The following UBR1 variants were observed in gnomAD, a reference collection of about 807,000 sequenced individuals.
UBR1 encodes E3 ubiquitin-protein ligase UBR1.
A neutral mutation model predicts 242.1 loss-of-function variants in UBR1; 102 were observed. The ratio of observed to expected loss-of-function variants is 0.42; its 90% CI spans 0.36 to 0.50. The LOEUF is 0.50. Ranked by LOEUF, UBR1 falls within the 20% of genes least tolerant of loss-of-function variation. The pLI is 0.01. For missense variants in UBR1, 1,772 were observed against 2,101.8 expected (o/e 0.84, Z 3.07); for synonymous variants, 675 against 684.8 (o/e 0.99, Z 0.22).
chr15:43,050,602 T>C (rs2033542799), intron 12 of UBR1, among the ~76,000 whole-genome samples: 1 of 151,740 alleles, frequency 6.6e-6, no homozygotes, highest in Admixed American at 6.6e-5. Flanking sequence ...CATGTGCCTG[T>C]AGTCCCAGCT....
At chr15:43,034,105 T>C (rs2033295131) in intron 19 of UBR1, among the ~76,000 whole-genome samples, 1 of 151,942 alleles carries the variant, frequency 6.6e-6, no homozygotes, top group African/African-American at 2.4e-5. Flanking sequence ...GGCATGGTGG[T>C]GCACACCTAT....
Position 42,971,564 on chromosome 15 carries a change from A to T in UBR1, c.4370-957T>A, listed in dbSNP as rs144575157. Among the ~76,000 whole-genome samples, 558 of 152,298 alleles carry T rather than the reference A, an allele frequency of 3.7e-3. 6 individuals carry two copies. Among genetic ancestry groups the T allele is most frequent in the Middle Eastern group, 6.8e-3 (2 of 294 alleles). On this transcript the variant is annotated intron_variant, in intron 39 of 46. Transcript: ENST00000290650. ...TTTGTTTATGTATTAATTCATCTGG[A>T]AGGTCAAGATTCAAGTTGCCCTCAG...
At chr15:43,056,304 T>C (rs2033619032) in intron 11 of UBR1, 40 bp downstream of exon 11, 1 of 1,477,100 alleles carries the variant, frequency 6.8e-7, no homozygotes, top group Non-Finnish European at 9.5e-7. Context: ...GCAAAACAAG[T>C]TTTACTTAGA....
chr15:43,025,346 G>C, intron 24 of UBR1, 35 bp downstream of exon 24: 4 of 1,588,218 alleles, frequency 2.5e-6, no homozygotes, highest in Non-Finnish European at 2.6e-6. Context: ...ACAGAAAATA[G>C]TCAAAATGAG....
chr15:43,085,893 C>T, intron 2 of UBR1, 91 bp downstream of exon 2: 2 of 1,399,256 alleles, frequency 1.4e-6, no homozygotes, highest in Non-Finnish European at 1.9e-6. Context: ...TGCACTCCAG[C>T]CTGGGTCACA....
intron 5 of UBR1, among the ~76,000 whole-genome samples, chr15:43,070,246 G>T: frequency 1.2e-5 from 1 of 82,280 alleles, no homozygotes; most frequent in African/African-American, 4.9e-5. Flanking sequence ...CTGAGTTCTA[G>T]CTAAAAAAAA....
intron 1 of UBR1, among the ~76,000 whole-genome samples, chr15:43,087,352 C>A (rs561562303): frequency 1.4e-4 from 21 of 151,968 alleles, no homozygotes; most frequent in Non-Finnish European, 2.6e-4. Context: ...TTGCAGTGAG[C>A]CGAGAATGCG....
At chr15:43,024,300 T>G (rs1330589878) in intron 25 of UBR1, among the ~76,000 whole-genome samples, 1 of 152,236 alleles carries the variant, frequency 6.6e-6, no homozygotes. Context: ...AATATGGTGT[T>G]ACAACTACCA....
intron 33 of UBR1, 90 bp from the exon 34 acceptor site, chr15:42,990,210 A>G (rs1310669145): frequency 1.0e-6 from 1 of 973,018 alleles, no homozygotes; most frequent in African/African-American, 1.6e-5. Context: ...TATTTTTGAC[A>G]GTCTCACTCT....
intron 38 of UBR1, among the ~76,000 whole-genome samples, chr15:42,977,239 T>C (rs140469954): frequency 6.6e-6 from 1 of 152,278 alleles, no homozygotes; most frequent in East Asian, 1.9e-4. Flanking sequence ...AATAGCATTC[T>C]TTTCAAAGTT....
At chr15:43,094,439 GCAAACAAA>G (rs540494392) in intron 1 of UBR1, among the ~76,000 whole-genome samples, 2 of 150,912 alleles carry the variant, frequency 1.3e-5, no homozygotes, top group Non-Finnish European at 3.0e-5. Flanking sequence ...AAAAAAAAAA[GCAAACAAA>G]CAAACAAACA....
intron 3 of UBR1, among the ~76,000 whole-genome samples, chr15:43,077,665 GAAA>G (rs1180854436): frequency 7.9e-6 from 1 of 126,860 alleles, no homozygotes; most frequent in South Asian, 2.5e-4. Context: ...AAAAATCTGA[GAAA>G]AAAAAAAATA....
chr15:43,060,133 G>A lies in UBR1; in HGVS notation c.799-19C>T, dbSNP rs1328667512. 4.3e-6 allele frequency: 7 copies of A among 1,611,452 alleles called. No individual in the cohort carries two copies. The highest frequency in any genetic ancestry group is 1.3e-5 in the African/African-American group (1 of 74,848). ...GACGACCCTAATTATAGACAAAAGT[G>A]AGAATTAGGTAGTGAAATGATAACC... On this transcript the variant is annotated intron_variant, in intron 6 of 46. Transcript: ENST00000290650.
chr15:42,953,639 T>A (rs1399265519), intron 44 of UBR1, among the ~76,000 whole-genome samples: 1 of 152,186 alleles, frequency 6.6e-6, no homozygotes, highest in Non-Finnish European at 1.5e-5. Context: ...TCATTAGACA[T>A]CCTACAGAGG....
chr15:42,993,241 A>G (rs1218088495), intron 33 of UBR1, among the ~76,000 whole-genome samples: 3 of 152,188 alleles, frequency 2.0e-5, no homozygotes, highest in African/African-American at 4.8e-5. Flanking sequence ...CGTAATGATA[A>G]TTCTTAAATT....
chr15:42,961,437 T>A (rs2032018230), intron 42 of UBR1, among the ~76,000 whole-genome samples: 1 of 149,962 alleles, frequency 6.7e-6, no homozygotes, highest in Non-Finnish European at 1.5e-5. Context: ...TTTTTTTTTT[T>A]TTTTTAGATG....
At chr15:43,097,025 A>G (rs1048030326) in intron 1 of UBR1, among the ~76,000 whole-genome samples, 2 of 152,106 alleles carry the variant, frequency 1.3e-5, no homozygotes, top group Admixed American at 1.3e-4. Flanking sequence ...CTATCAGAGG[A>G]ATCGTAATTT....
chr15:42,994,381 CAAAAAAA>C (rs72106180), intron 33 of UBR1, among the ~76,000 whole-genome samples: 2 of 91,916 alleles, frequency 2.2e-5, no homozygotes, highest in African/African-American at 3.8e-5. Context: ...GACGCTGTCT[CAAAAAAA>C]AAAAAAAAAA....
At chr15:43,064,163 C>A (rs944372113) in intron 6 of UBR1, among the ~76,000 whole-genome samples, 1 of 152,178 alleles carries the variant, frequency 6.6e-6, no homozygotes, top group Non-Finnish European at 1.5e-5. Flanking sequence ...TAGAGTACCA[C>A]ATTTTAAGAA....
Sources: gnomAD v4.1 joint callset for allele counts (sites outside exome capture counted in the v4.1 genomes callset) on GRCh38, gnomAD v4.1.1 for gene constraint, MANE v1.5 for transcripts, NCBI Gene and HGNC (gene_info 2026-07-23, HGNC 2026-07-21) for gene names.